TDRD7: variants seen among roughly 807,000 people sequenced by gnomAD.
TDRD7 encodes the protein tudor domain-containing protein 7.
In TDRD7, 47 loss-of-function variants were observed where a neutral mutation model predicts 109.8. That is an observed-to-expected ratio of 0.43 (90% CI 0.34 to 0.55). The LOEUF is 0.55. TDRD7 is among the 20% of genes least tolerant of loss of function. The probability of loss-of-function intolerance (pLI) is 0.03; values close to 1 mark genes in which losing one functional copy is unlikely to be tolerated. For missense variants in TDRD7, 1,164 were observed against 1,319.2 expected (o/e 0.88, Z 1.82); for synonymous variants, 424 against 457.3 (o/e 0.93, Z 0.93).
chr9:97,436,759 TC>T (rs1828207897), intron 4 of TDRD7, among the ~76,000 whole-genome samples: 1 of 152,182 alleles, frequency 6.6e-6, no homozygotes. Flanking sequence ...AGAGTTGGAA[TC>T]CTTTTTTATT....
In TDRD7 at chr9:97,432,101, G is replaced by T. The variant is rs766644380; in HGVS notation, c.426G>T (p.Pro142=). ...FSVGKKPNPA[P]LRDKGNSVGV... ...TTGGCAAAAAACCTAATCCAGCACC[G>T]TTAAGAGACAAAGGAAACTCTGTTG... Residue 142 remains proline, a synonymous_variant, in exon 4 of 17, where the codon CCG becomes CCT. Coordinates refer to ENST00000355295, the MANE Select transcript of TDRD7 (RefSeq NM_014290.3). 5.0e-6 allele frequency: 8 copies of T among 1,613,700 alleles called. No homozygotes were observed. The highest frequency in any genetic ancestry group is 6.8e-6 in the Non-Finnish European group (8 of 1,179,810).
chr9:97,471,732 A>G lies in TDRD7; in HGVS notation c.1742-561A>G, dbSNP rs533940035. Among the ~76,000 whole-genome samples, 19 of 152,350 alleles carry G rather than the reference A, an allele frequency of 1.2e-4. No homozygotes were observed. The East Asian group carries it at 3.5e-3, about 28-fold the overall frequency. On this transcript the variant is annotated intron_variant, in intron 9 of 16. Coordinates refer to ENST00000355295, the MANE Select transcript of TDRD7 (RefSeq NM_014290.3). Reference sequence around the variant, plus strand: ...TGGAACTATAATTTTCTAAGAATTTAAAGAGTAGTTGGACTACAACAAAAT... The same window carrying G: ...TGGAACTATAATTTTCTAAGAATTTGAAGAGTAGTTGGACTACAACAAAAT...
intron 4 of TDRD7, among the ~76,000 whole-genome samples, chr9:97,438,446 A>G (rs1828240922): frequency 6.6e-6 from 1 of 152,146 alleles, no homozygotes; most frequent in African/African-American, 2.4e-5. Flanking sequence ...TCATTTATTC[A>G]TTCGGTCATG....
chr9:97,418,686 G>A (rs145060961), intron 1 of TDRD7, among the ~76,000 whole-genome samples: 99 of 152,344 alleles, frequency 6.5e-4, no homozygotes, highest in African/African-American at 2.2e-3. Context: ...GGCTTTCGCA[G>A]AGGGCAACCT....
rs540957966 is a variant in TDRD7, at chr9:97,464,653, G to A, written c.1443-189G>A. 1.2e-4 allele frequency among the ~76,000 whole-genome samples: 18 copies of A among 152,286 alleles called. No homozygotes were observed. The East Asian group carries it at 3.5e-3, about 29-fold the overall frequency. On this transcript the variant is annotated intron_variant, in intron 7 of 16. Transcript: ENST00000355295. ...TTACAGGTGTGAGCCACTGTGACCA[G>A]CCCCCTTATCTTCTTTTTCAAGAGA...
intron 1 of TDRD7, among the ~76,000 whole-genome samples, chr9:97,416,607 A>G (rs954008638): frequency 1.3e-5 from 2 of 152,318 alleles, no homozygotes; most frequent in Admixed American, 1.3e-4. Context: ...ATGCTCAGAA[A>G]TAATCTACTT....
In TDRD7 at chr9:97,464,761, AAAG is replaced by A. The variant is rs145950445; in HGVS notation, c.1443-77_1443-75del. 11,624 of 1,516,340 alleles carry A rather than the reference AAAG, an allele frequency of 7.7e-3. 367 individuals carry two copies. The East Asian group carries it at 0.089, about 12-fold the overall frequency. 93.9% of individuals were successfully genotyped at this position (1,516,340 alleles called of 1,614,324 possible). A position where few individuals can be genotyped will look rare whatever the true frequency, so the allele number is the denominator to read the frequency against. ...GGAACCAAAGATGGCAGCAGGGAAA[AAAG>A]AAGGACAAAAACGAATTCCTATTGC... is the stretch of plus-strand genomic sequence containing the variant. On this transcript the variant is annotated intron_variant, in intron 7 of 16. Transcript: ENST00000355295.
chr9:97,426,689 C>T (rs1479245060), intron 1 of TDRD7, among the ~76,000 whole-genome samples: 2 of 152,152 alleles, frequency 1.3e-5, no homozygotes, highest in South Asian at 2.1e-4. Context: ...TTTTACAGAA[C>T]CTCTTTTATA....
chr9:97,422,591 A>C (rs1827917865), intron 1 of TDRD7, among the ~76,000 whole-genome samples: 1 of 152,238 alleles, frequency 6.6e-6, no homozygotes, highest in African/African-American at 2.4e-5. Context: ...GAGCATGGGC[A>C]TTCTTGCCCT....
intron 6 of TDRD7, among the ~76,000 whole-genome samples, chr9:97,458,413 T>C (rs1199181838): frequency 6.6e-6 from 1 of 152,214 alleles, no homozygotes; most frequent in Non-Finnish European, 1.5e-5. Context: ...ACAGCGAAGA[T>C]TGGCATTTTA....
intron 12 of TDRD7, among the ~76,000 whole-genome samples, chr9:97,476,194 G>A (rs1829015110): frequency 6.6e-6 from 1 of 152,030 alleles, no homozygotes; most frequent in African/African-American, 2.4e-5. Context: ...TGGCTTCATG[G>A]GGCAGTGTCA....
At chr9:97,425,607 C>G (rs954559392) in intron 1 of TDRD7, among the ~76,000 whole-genome samples, 2 of 151,976 alleles carry the variant, frequency 1.3e-5, no homozygotes, top group Admixed American at 1.3e-4. Context: ...TGACGCATGA[C>G]TATACACACA....
At chr9:97,441,982 A>G in intron 6 of TDRD7, 107 bp downstream of exon 6, 1 of 889,064 alleles carries the variant, frequency 1.1e-6, no homozygotes, top group South Asian at 1.4e-5. Context: ...AAAGCACTTT[A>G]CATATGTTAC....
chr9:97,445,792 C>T (rs1828390226), intron 6 of TDRD7, among the ~76,000 whole-genome samples: 1 of 152,130 alleles, frequency 6.6e-6, no homozygotes. Flanking sequence ...TGAGGTCACC[C>T]AGGATCCATG....
At chr9:97,414,930 A>G (rs1340837365) in intron 1 of TDRD7, among the ~76,000 whole-genome samples, 1 of 152,210 alleles carries the variant, frequency 6.6e-6, no homozygotes. Context: ...TAAGATAAGG[A>G]GCTTGGGTTA....
intron 6 of TDRD7, among the ~76,000 whole-genome samples, chr9:97,454,089 A>G (rs1340382392): frequency 6.6e-6 from 1 of 152,258 alleles, no homozygotes; most frequent in East Asian, 1.9e-4. Context: ...TCAACAGAAT[A>G]TACATTCTTC....
chr9:97,427,951 A>C (rs182107590), intron 1 of TDRD7, among the ~76,000 whole-genome samples: 2 of 152,142 alleles, frequency 1.3e-5, no homozygotes, highest in Non-Finnish European at 2.9e-5. Flanking sequence ...GCAAAAATGC[A>C]AACATGAGCA....
intron 6 of TDRD7, among the ~76,000 whole-genome samples, chr9:97,454,119 A>G (rs568078780): frequency 1.3e-5 from 2 of 152,328 alleles, no homozygotes; most frequent in African/African-American, 4.8e-5. Flanking sequence ...CATGGCACTT[A>G]TTCTGAAATT....
At position 97,475,403 on chromosome 9, in the gene TDRD7, T is replaced by C. The variant is rs1030840230; in HGVS notation, c.2100T>C (p.Phe700=). The C allele has an allele frequency of 1.2e-6, 2 of 1,613,706 alleles. No individual in the cohort carries two copies. The highest frequency in any genetic ancestry group is 1.1e-5 in the South Asian group (1 of 91,036). Reference sequence around the variant, plus strand: ...TGCAGCACATGACCTCTGAGTGCTTTGTTTCATTACCCTTCTGTGGGAAAA... The same window carrying C: ...TGCAGCACATGACCTCTGAGTGCTTCGTTTCATTACCCTTCTGTGGGAAAA... ...FHCKHMTSEC[F]VSLPFCGKIC... Residue 700 remains phenylalanine, a synonymous_variant, in exon 12 of 17, where the codon TTT becomes TTC. Coordinates refer to ENST00000355295, the MANE Select transcript of TDRD7 (RefSeq NM_014290.3).
Sources: allele counts gnomAD v4.1 joint callset (sites outside exome capture counted in the v4.1 genomes callset), GRCh38; gene constraint gnomAD v4.1.1; transcripts MANE v1.5; gene names NCBI Gene and HGNC (gene_info 2026-07-23, HGNC 2026-07-21).